SND1: variants seen among roughly 807,000 people sequenced by gnomAD.
SND1 encodes staphylococcal nuclease domain-containing protein 1.
A neutral mutation model predicts 121.7 loss-of-function variants in SND1; 38 were observed. The observed-to-expected ratio is 0.31, with a 90% confidence interval of 0.24 to 0.41. The LOEUF is 0.41. Among genes scored for constraint, SND1 ranks in the 10% least tolerant of loss-of-function variants. The pLI is 1.00. For missense variants in SND1, 868 were observed against 1,184.6 expected, an observed-to-expected ratio of 0.73 and a Z score of 3.92; for synonymous variants, 401 against 447.4, an observed-to-expected ratio of 0.90 and a Z score of 1.31.
At chr7:128,030,350 G>A (rs1792544829) in intron 16 of SND1, 4 of 1,614,050 alleles carry the variant, frequency 2.5e-6, no homozygotes, top group Non-Finnish European at 2.5e-6. Flanking sequence ...GGTGGTGGAG[G>A]TGGCGGAAGG....
At chr7:127,749,335 C>G (rs1009395177) in intron 10 of SND1, among the ~76,000 whole-genome samples, 1 of 152,120 alleles carries the variant, frequency 6.6e-6, no homozygotes, top group African/African-American at 2.4e-5. Flanking sequence ...GAAGATAGGC[C>G]TGGAAGGTAA....
chr7:128,023,257 G>A (rs868757954), intron 16 of SND1, among the ~76,000 whole-genome samples: 6 of 151,924 alleles, frequency 3.9e-5, no homozygotes, highest in South Asian at 4.1e-4. Context: ...AAGCCCCACC[G>A]GCCCTTTCAG....
intron 12 of SND1, among the ~76,000 whole-genome samples, chr7:127,887,639 A>ATTT (rs57655542): frequency 1.9e-3 from 270 of 145,090 alleles, no homozygotes; most frequent in Non-Finnish European, 2.9e-3. Flanking sequence ...CTTTTTACAG[A>ATTT]TTTTTTTTTT....
chr7:127,765,226 TCGAGGA>T (rs1339790579), intron 10 of SND1, among the ~76,000 whole-genome samples: 2 of 152,146 alleles, frequency 1.3e-5, no homozygotes, highest in African/African-American at 4.8e-5. Flanking sequence ...AGCTCAGAGG[TCGAGGA>T]ATTGCCCAGA....
intron 10 of SND1, among the ~76,000 whole-genome samples, chr7:127,750,915 A>G (rs1390953215): frequency 1.3e-5 from 2 of 152,188 alleles, no homozygotes; most frequent in Non-Finnish European, 2.9e-5. Flanking sequence ...GGACTAGTGT[A>G]AAATAAATGT....
chr7:127,791,171 G>A (rs1195776674), intron 10 of SND1, among the ~76,000 whole-genome samples: 2 of 144,726 alleles, frequency 1.4e-5, no homozygotes, highest in East Asian at 2.0e-4. Flanking sequence ...TTTGAGGCAG[G>A]GTCTCACTCT....
At chr7:127,765,682 T>G (rs576071989) in intron 10 of SND1, among the ~76,000 whole-genome samples, 1 of 152,290 alleles carries the variant, frequency 6.6e-6, no homozygotes, top group South Asian at 2.1e-4. Context: ...AATTCTTCCT[T>G]TATAGAAGTT....
intron 16 of SND1, among the ~76,000 whole-genome samples, chr7:128,033,481 C>G (rs1287121509): frequency 6.6e-6 from 1 of 152,204 alleles, no homozygotes; most frequent in Admixed American, 6.5e-5. Context: ...TGGGCTGTTG[C>G]TTAAGAACGA....
intron 11 of SND1, among the ~76,000 whole-genome samples, chr7:127,842,901 T>G (rs747191326): frequency 2.6e-5 from 4 of 152,128 alleles, no homozygotes; most frequent in Non-Finnish European, 4.4e-5. Flanking sequence ...ATGGAGGCAG[T>G]TCATATTTTT....
chr7:127,696,924 TAAAG>T (rs1484447785), intron 3 of SND1, among the ~76,000 whole-genome samples: 2 of 152,238 alleles, frequency 1.3e-5, no homozygotes, highest in Non-Finnish European at 2.9e-5. Context: ...ATTTTAAAGA[TAAAG>T]AAATAGTTTA....
chr7:127,898,049 A>T (rs1800154329), intron 13 of SND1, among the ~76,000 whole-genome samples: 1 of 152,136 alleles, frequency 6.6e-6, no homozygotes. Context: ...AATCTGGGAT[A>T]GTAGAGTTTG....
At chr7:127,656,813 G>A (rs1304135418) in intron 1 of SND1, among the ~76,000 whole-genome samples, 1 of 152,182 alleles carries the variant, frequency 6.6e-6, no homozygotes, top group East Asian at 1.9e-4. Flanking sequence ...CCTTTCCTAA[G>A]CTACTTAAAA....
At chr7:127,941,309 A>G (rs910014580) in intron 15 of SND1, among the ~76,000 whole-genome samples, 4 of 152,302 alleles carry the variant, frequency 2.6e-5, no homozygotes, top group Non-Finnish European at 5.9e-5. Context: ...AGGCTTCTAA[A>G]GTAGGCTTTG....
At chr7:127,861,203 C>T (rs1248522883) in intron 12 of SND1, among the ~76,000 whole-genome samples, 1 of 152,134 alleles carries the variant, frequency 6.6e-6, no homozygotes, top group Non-Finnish European at 1.5e-5. Flanking sequence ...TCCATGTTTA[C>T]AACATAATAT....
chr7:127,677,450 T>C (rs952235126), intron 1 of SND1, among the ~76,000 whole-genome samples: 1 of 152,244 alleles, frequency 6.6e-6, no homozygotes, highest in Non-Finnish European at 1.5e-5. Flanking sequence ...TTTGTGTAAC[T>C]TGAATTGGTC....
At chr7:127,660,547 A>T (rs1238346815) in intron 1 of SND1, among the ~76,000 whole-genome samples, 1 of 152,208 alleles carries the variant, frequency 6.6e-6, no homozygotes, top group Admixed American at 6.5e-5. Flanking sequence ...CGCTTGGACT[A>T]GAAGTGTTTC....
intron 16 of SND1, among the ~76,000 whole-genome samples, chr7:128,055,831 C>G (rs924583055): frequency 1.3e-5 from 2 of 152,168 alleles, no homozygotes; most frequent in Non-Finnish European, 2.9e-5. Flanking sequence ...CCTTCATCCC[C>G]CACTCGCTGG....
intron 10 of SND1, among the ~76,000 whole-genome samples, chr7:127,776,663 A>T (rs1797625779): frequency 6.6e-6 from 1 of 152,214 alleles, no homozygotes; most frequent in South Asian, 2.1e-4. Context: ...TGTAGTTAAG[A>T]AATTAAGGAG....
rs895522799 is a variant in SND1, at chr7:127,658,312, C to A, written c.78+5861C>A. Reference sequence around the variant, plus strand: ...CCTGGGTGACAGAGTGAGACTGTGTCTCAAAAGAAAAAAGAATGAGAGACT... The same window carrying A: ...CCTGGGTGACAGAGTGAGACTGTGTATCAAAAGAAAAAAGAATGAGAGACT... On this transcript the variant is annotated intron_variant, in intron 1 of 23. Transcript: ENST00000354725. Among the ~76,000 whole-genome samples, 7 of 151,866 alleles carry A rather than the reference C, an allele frequency of 4.6e-5. No individual in the cohort carries two copies. The East Asian group carries it at 1.4e-3, about 29-fold the overall frequency.
Sources: gnomAD v4.1 joint callset for allele counts (sites outside exome capture counted in the v4.1 genomes callset) on GRCh38, gnomAD v4.1.1 for gene constraint, MANE v1.5 for transcripts, NCBI Gene and HGNC (gene_info 2026-07-23, HGNC 2026-07-21) for gene names.